The following CDCA3 variants were observed in gnomAD, a reference collection of about 807,000 sequenced individuals.
CDCA3 encodes the protein cell division cycle associated 3, also known as cell division cycle-associated protein 3.
Under a neutral mutation model 29.1 loss-of-function variants are expected in CDCA3, and 16 were observed. The observed-to-expected ratio is 0.55, with a 90% CI of 0.37 to 0.83. CDCA3 has a LOEUF of 0.83. CDCA3 is among the 40% of genes least tolerant of loss of function. The pLI is 0.00. For synonymous variants in CDCA3, 88 were observed against 124.5 expected (o/e 0.71, Z 1.95); for missense variants, 291 against 327.2 (o/e 0.89, Z 0.85).
downstream of CDCA3, chr12:6,846,914 G>A (rs1555124879): frequency 8.4e-6 from 12 of 1,426,334 alleles, no homozygotes; most frequent in Admixed American, 1.9e-5. Flanking sequence ...CTGGAGAAAG[G>A]GAAGTGGAAG....
downstream of CDCA3, chr12:6,846,941 G>A (rs782545608): frequency 9.2e-7 from 1 of 1,092,326 alleles, no homozygotes; most frequent in Non-Finnish European, 1.4e-6. Flanking sequence ...AACACACTCA[G>A]CAGCCCCCTG....
At chr12:6,848,752 G>A, downstream of CDCA3, 1 of 407,028 alleles carries the variant, frequency 2.5e-6, no homozygotes, top group South Asian at 3.1e-5. Context: ...CAGAGCATCA[G>A]TGGGCTCAGG....
rs139284506 is a variant in CDCA3, at chr12:6,849,784, C to T, written c.325G>A (p.Glu109Lys). Residue 109 changes from glutamate to lysine, a missense_variant, in exon 4 of 6, where the codon GAG (glutamate) becomes AAG (lysine). Glu to Lys is a moderately conservative substitution (Grantham distance 56). Transcript: ENST00000538862. The surrounding 1 kb of genome is among the most constrained non-coding windows in gnomAD (Gnocchi z 5.2). ...TEDSKSNLPP[E>K]PVLPPEAPLS... The stretch of plus-strand genomic sequence containing the variant: ...GGTGCCTCTGGGGGCAGAACAGGCT[C>T]TGGGGGAAGATTTGATTTAGAGTCT... The T allele has an allele frequency of 3.3e-4, 524 of 1,596,608 alleles. 3 individuals carry two copies. In the African/African-American group the frequency reaches 6.4e-3, roughly 19 times the overall value.
downstream of CDCA3, chr12:6,845,462 G>A: frequency 3.0e-6 from 2 of 661,964 alleles, no homozygotes; most frequent in Non-Finnish European, 5.3e-6. Context: ...AACCAAGGGA[G>A]GGACAGGCAG....
In CDCA3 at chr12:6,850,369, G is replaced by C. The variant is rs1555126084; in HGVS notation, c.250+98C>G. ...GAGATGGGTCCGAAGCAGGAGGATA[G>C]AGGCCCCTTTAAGGAACCCTGAGAG... On this transcript the variant is annotated intron_variant, in intron 3 of 5. Transcript: ENST00000538862. This position sits in a 1 kb window ranked among gnomAD's most constrained non-coding sequence, Gnocchi z 4.7. 2 of 1,476,188 alleles carry C rather than the reference G, an allele frequency of 1.4e-6. No individual in the cohort carries two copies. Among genetic ancestry groups the C allele is most frequent in the African/African-American group, 1.4e-5 (1 of 71,968 alleles). The allele number at this position is 1,476,188 out of a possible 1,614,324, so 91.4% of individuals were successfully genotyped here. A position where few individuals can be genotyped will look rare whatever the true frequency, so the allele number is the denominator to read the frequency against.
downstream of CDCA3, chr12:6,845,576 G>A (rs200661714): frequency 2.7e-4 from 431 of 1,596,998 alleles, 5 homozygotes; most frequent in South Asian, 3.0e-3. Flanking sequence ...CTTGCCACCC[G>A]TGCCCTCAGT....
rs782732105 is a variant in CDCA3 at position 6,849,759 on chromosome 12, G to A, written c.350C>T (p.Pro117Leu). 6.2e-7 allele frequency: 1 copy of A among 1,612,150 alleles called. No individual in the cohort carries two copies. The highest frequency in any genetic ancestry group is 1.7e-5 in the Admixed American group (1 of 59,830). The change falls in exon 4 of 6, where the codon CCT becomes CTT. Residue 117 changes from proline to leucine, a missense_variant. Pro to Leu is a moderately conservative substitution (Grantham distance 98). Coordinates refer to ENST00000538862, the MANE Select transcript of CDCA3 (RefSeq NM_031299.7). The surrounding 1 kb of genome is among the most constrained non-coding windows in gnomAD (Gnocchi z 5.2). ...AGGCAAGTCCAATTCAGAAGATAAA[G>A]GTGCCTCTGGGGGCAGAACAGGCTC... ...PPEPVLPPEAPLSSELDLPLG... is the reference protein window; with the variant it reads ...PPEPVLPPEALLSSELDLPLG...
At position 6,850,896 on chromosome 12, in the gene CDCA3, C is replaced by T. The variant is rs1565525647; in HGVS notation, c.57G>A (p.Lys19=). ...GGGGGTCCGCCACTCGAGCCAGATGCTTGTTGTGCGGCGGAGGCCGCGCTG... is the reference window on the plus strand; with the variant it reads ...GGGGGTCCGCCACTCGAGCCAGATGTTTGTTGTGCGGCGGAGGCCGCGCTG... The part of the protein sequence containing the change: ...VTPARPPPHN[K]HLARVADPRS... The change falls in exon 2 of 6, where the codon AAG becomes AAA. Residue 19 remains lysine (K), a synonymous_variant. Transcript: ENST00000538862. The surrounding 1 kb of genome is among the most constrained non-coding windows in gnomAD (Gnocchi z 4.7). 6.2e-7 allele frequency: 1 copy of T among 1,613,784 alleles called. No individual in the cohort carries two copies. The highest frequency in any genetic ancestry group is 1.3e-5 in the African/African-American group (1 of 75,058).
chr12:6,845,887 C>G, downstream of CDCA3: 1 of 929,418 alleles, frequency 1.1e-6, no homozygotes, highest in Non-Finnish European at 1.7e-6. Context: ...CCCATCAGCT[C>G]CCATTTCGGA....
chr12:6,844,900 A>G (rs1943653629), downstream of CDCA3: 1 of 152,232 alleles, frequency 6.6e-6, no homozygotes, highest in South Asian at 2.1e-4. Flanking sequence ...TCTGTAGCAT[A>G]ATCACTGTAT....
At position 6,850,767 on chromosome 12, in the gene CDCA3, A is replaced by T; in HGVS notation, c.120+66T>A. Reference sequence around the variant, plus strand: ...GGTGGGGTCATGACGGCTCTCTCAAAATCAGGTTAGGAAGAGACCCAAGAA... The same window carrying T: ...GGTGGGGTCATGACGGCTCTCTCAATATCAGGTTAGGAAGAGACCCAAGAA... On this transcript the variant is annotated intron_variant, in intron 2 of 5. Transcript: ENST00000538862. The surrounding 1 kb of genome is among the most constrained non-coding windows in gnomAD (Gnocchi z 4.7). 6.3e-7 allele frequency: 1 copy of T among 1,590,678 alleles called. No individual in the cohort carries two copies. The highest frequency in any genetic ancestry group is 8.6e-7 in the Non-Finnish European group (1 of 1,165,410).
chr12:6,845,986 T>A, downstream of CDCA3: 1 of 599,506 alleles, frequency 1.7e-6, no homozygotes, highest in East Asian at 2.8e-5. Context: ...TTTCCCTCAG[T>A]GTTGCTCTAA....
chr12:6,845,993 C>G, downstream of CDCA3: 1 of 592,052 alleles, frequency 1.7e-6, no homozygotes, highest in Non-Finnish European at 3.0e-6. Flanking sequence ...CAGTGTTGCT[C>G]TAAGCAGCCT....
In CDCA3 at chr12:6,849,374, G is replaced by C. The variant is rs782477285; in HGVS notation, c.600C>G (p.Pro200=). The change falls in exon 5 of 6, where the codon CCC becomes CCG. Residue 200 remains proline (P), a synonymous_variant. Transcript: ENST00000538862. This position sits in a 1 kb window ranked among gnomAD's most constrained non-coding sequence, Gnocchi z 5.2. ...PNSSKVLGRS[P]LTILQDDNSP... ...AGTTGTCATCCTGCAGGATGGTGAG[G>C]GGGGATCTCCCTAGTACCTTGCTGC... 2 of 1,606,348 alleles carry C rather than the reference G, an allele frequency of 1.2e-6. No homozygotes were observed. The highest frequency in any genetic ancestry group is 2.2e-5 in the South Asian group (2 of 89,726).
Position 6,850,161 on chromosome 12 carries a change from T to TTG in CDCA3, c.250+304_251-304dup, listed in dbSNP as rs3032790. On this transcript the variant is annotated intron_variant, in intron 3 of 5. Coordinates refer to ENST00000538862, the MANE Select transcript of CDCA3 (RefSeq NM_031299.7). The surrounding 1 kb of genome is among the most constrained non-coding windows in gnomAD (Gnocchi z 4.7). The stretch of plus-strand genomic sequence containing the variant: ...ATCACAGGCCCATGCCACCGTGCTT[T>TTG]TGTGTGTGTGTGTGTGTGTTATGTG... 153,278 of 427,262 alleles carry TTG rather than the reference T, an allele frequency of 0.36. 18,773 individuals carry two copies. Among genetic ancestry groups the TTG allele is most frequent in the African/African-American group, 0.44 (21,906 of 49,238 alleles). The allele number at this position is 427,262 out of a possible 1,614,324, so 26.5% of individuals were successfully genotyped here.
chr12:6,845,873 AC>A, downstream of CDCA3: 2 of 977,278 alleles, frequency 2.0e-6, no homozygotes, highest in Non-Finnish European at 3.1e-6. Flanking sequence ...CCCATTCTGT[AC>A]CCCCCATCAG....
At chr12:6,846,421 A>G (rs1273786172), downstream of CDCA3, 1 of 186,766 alleles carries the variant, frequency 5.4e-6, no homozygotes, top group Non-Finnish European at 1.1e-5. Flanking sequence ...AGCACCTGTC[A>G]AGGTGCCCTC....
At chr12:6,845,757 G>A (rs782729041), downstream of CDCA3, 23 of 1,613,996 alleles carry the variant, frequency 1.4e-5, no homozygotes, top group Non-Finnish European at 1.7e-5. Context: ...TGGCTACGAC[G>A]ACTTCAACTG....
At chr12:6,848,124 C>G (rs181022920), downstream of CDCA3, 1 of 152,038 alleles carries the variant, frequency 6.6e-6, no homozygotes, top group Non-Finnish European at 1.5e-5. Flanking sequence ...CTGAGGCAGG[C>G]AGATCACTTG....
Sources: gnomAD v4.1 joint callset for allele counts on GRCh38, gnomAD v4.1.1 for gene constraint, Gnocchi (gnomAD v3.1) non-coding constraint, MANE v1.5 for transcripts, NCBI Gene and HGNC (gene_info 2026-07-23, HGNC 2026-07-21) for gene names.